PACS1: variants seen among roughly 807,000 people sequenced by gnomAD.
PACS1 encodes PACS-1.
In PACS1, 24 loss-of-function variants were observed where a neutral mutation model predicts 115.0. The ratio of observed to expected loss-of-function variants is 0.21; its 90% CI spans 0.15 to 0.29. PACS1 has a LOEUF of 0.29. PACS1 is among the 10% of genes least tolerant of loss of function. The pLI, the probability that PACS1 is intolerant of heterozygous loss-of-function variation, is 1.00. For synonymous variants in PACS1, 453 were observed against 504.5 expected, an observed-to-expected ratio of 0.90 and a Z score of 1.37; for missense variants, 838 against 1,251.2, an observed-to-expected ratio of 0.67 and a Z score of 4.98.
At chr11:66,209,799 G>A (rs1366151585) in intron 2 of PACS1, among the ~76,000 whole-genome samples, 3 of 152,062 alleles carry the variant, frequency 2.0e-5, no homozygotes, top group African/African-American at 7.2e-5. Context: ...CAGCTACTCA[G>A]GAGGCTGAGG....
chr11:66,244,367 TTCCC>T lies in PACS1; in HGVS notation c.*1093_*1096del, dbSNP rs1374054381. ...GCCAGGTTTCCCTCCAGCAGGCTCC[TTCCC>T]TCCCTGTCACCTCCCTCTCACCAAC... On this transcript the variant is annotated 3_prime_UTR_variant, in exon 24 of 24. Coordinates refer to ENST00000320580, the MANE Select transcript of PACS1 (RefSeq NM_018026.4). The T allele has an allele frequency of 6.5e-6, 1 of 152,942 alleles. No individual in the cohort carries two copies. The highest frequency in any genetic ancestry group is 1.5e-5 in the Non-Finnish European group (1 of 68,568). The allele number at this position is 152,942 out of a possible 1,614,324, so 9.5% of individuals were successfully genotyped here.
At chr11:66,071,960 C>G (rs1857316147) in intron 1 of PACS1, among the ~76,000 whole-genome samples, 1 of 152,218 alleles carries the variant, frequency 6.6e-6, no homozygotes, top group African/African-American at 2.4e-5. Context: ...AGCATTATCG[C>G]TTCTGTTGAA....
intron 1 of PACS1, among the ~76,000 whole-genome samples, chr11:66,105,118 C>A (rs1858005185): frequency 6.6e-6 from 1 of 151,976 alleles, no homozygotes; most frequent in Non-Finnish European, 1.5e-5. Context: ...GAGTATTAAG[C>A]AGCAGTTAAA....
chr11:66,194,225 A>G (rs913564216), intron 2 of PACS1, among the ~76,000 whole-genome samples: 8 of 152,082 alleles, frequency 5.3e-5, no homozygotes, highest in African/African-American at 1.7e-4. Context: ...CAGCCTCCCA[A>G]AGTGCTGGGA....
At chr11:66,076,932 A>G (rs1857409846) in intron 1 of PACS1, among the ~76,000 whole-genome samples, 1 of 152,202 alleles carries the variant, frequency 6.6e-6, no homozygotes, top group African/African-American at 2.4e-5. Context: ...AACTTCTTTC[A>G]GAGGGCCATC....
chr11:66,145,927 C>G (rs1859112134), intron 1 of PACS1, among the ~76,000 whole-genome samples: 1 of 152,128 alleles, frequency 6.6e-6, no homozygotes, highest in African/African-American at 2.4e-5. Flanking sequence ...GTAGAGACAT[C>G]AAATAGCCAC....
At chr11:66,082,068 T>G (rs1236078795) in intron 1 of PACS1, among the ~76,000 whole-genome samples, 3 of 152,244 alleles carry the variant, frequency 2.0e-5, no homozygotes, top group African/African-American at 7.2e-5. Context: ...TATATTTACT[T>G]GTTTCTGGTT....
intron 1 of PACS1, among the ~76,000 whole-genome samples, chr11:66,116,037 A>G (rs556344386): frequency 6.6e-6 from 1 of 152,380 alleles, no homozygotes; most frequent in African/African-American, 2.4e-5. Context: ...CTATTTAAGA[A>G]TTGCCTTGGC....
intron 2 of PACS1, among the ~76,000 whole-genome samples, chr11:66,193,869 C>G (rs1468041413): frequency 1.3e-5 from 2 of 152,180 alleles, no homozygotes; most frequent in Non-Finnish European, 2.9e-5. Flanking sequence ...GTAAACTACT[C>G]AGAAATTACT....
At chr11:66,142,358 G>A (rs1051264716) in intron 1 of PACS1, among the ~76,000 whole-genome samples, 3 of 151,566 alleles carry the variant, frequency 2.0e-5, no homozygotes, top group Non-Finnish European at 2.9e-5. Context: ...TCACACTGTC[G>A]CCCAGGCTGG....
At chr11:66,202,743 ATATATATATAT>A (rs755702461) in intron 2 of PACS1, among the ~76,000 whole-genome samples, 4,681 of 58,916 alleles carry the variant, frequency 0.079, 942 homozygotes, top group East Asian at 0.13. Flanking sequence ...AAAAAAAAAA[ATATATATATAT>A]ATATATATAT....
intron 19 of PACS1, among the ~76,000 whole-genome samples, chr11:66,237,342 G>C (rs144127550): frequency 6.6e-6 from 1 of 152,210 alleles, no homozygotes; most frequent in Non-Finnish European, 1.5e-5. Context: ...GATTACAGGC[G>C]TGAGCCACCA....
chr11:66,126,129 A>G (rs1858566664), intron 1 of PACS1, among the ~76,000 whole-genome samples: 1 of 151,582 alleles, frequency 6.6e-6, no homozygotes, highest in Non-Finnish European at 1.5e-5. Context: ...AGTGTTCGAC[A>G]TTACTAGTGG....
rs762768413 is a variant in PACS1 at position 66,167,333 on chromosome 11, C to CTTTTT, written c.357-26139_357-26135dup. Among the ~76,000 whole-genome samples the CTTTTT allele has an allele frequency of 5.1e-4, 52 of 101,114 alleles. 3 individuals carry two copies. The highest frequency in any genetic ancestry group is 1.3e-3 in the African/African-American group (30 of 23,622). The allele number at this position is 101,114 out of a possible 152,430, so 66.3% of individuals were successfully genotyped here. A position where few individuals can be genotyped will look rare whatever the true frequency, so the allele number is the denominator to read the frequency against. ...CTCTGGGTTCATGGCTTTGGCTTGT[C>CTTTTT]TTTTTTTTTTTTTTTTTTGTTGAGA... On this transcript the variant is annotated intron_variant, in intron 1 of 23. Transcript: ENST00000320580.
rs778482468 is a variant in PACS1, at chr11:66,234,236, G to T, written c.2098G>T (p.Val700Leu). Residue 700 changes from valine to leucine, a missense_variant, in exon 17 of 24, where the codon GTG (valine) becomes TTG (leucine). By Grantham distance (32) the Val-to-Leu change is conservative (BLOSUM62 1). Around this residue, in one of 6 missense-constraint regions of PACS1, gnomAD observed 383 missense variants for 537.0 expected, o/e 0.71. Coordinates refer to ENST00000320580, the MANE Select transcript of PACS1 (RefSeq NM_018026.4). ...RDLFSRSEPP[V>L]SEQLDVAGRV... is the part of the protein sequence containing the mutation. ...TCTGTTCAGTCGCTCGGAGCCACCAGTGTCAGGTAATGGCCCCGTGTAAGG... is the reference window on the plus strand; with the variant it reads ...TCTGTTCAGTCGCTCGGAGCCACCATTGTCAGGTAATGGCCCCGTGTAAGG... 1 of 1,611,308 alleles carries T rather than the reference G, an allele frequency of 6.2e-7. No individual in the cohort carries two copies. Among genetic ancestry groups the T allele is most frequent in the South Asian group, 1.1e-5 (1 of 91,046 alleles).
chr11:66,097,756 A>G (rs1857819052), intron 1 of PACS1, among the ~76,000 whole-genome samples: 4 of 152,194 alleles, frequency 2.6e-5, no homozygotes, highest in Admixed American at 6.5e-5. Context: ...GATTTTAGCC[A>G]TGTTAGTGGG....
chr11:66,156,479 A>G (rs1859362996), intron 1 of PACS1, among the ~76,000 whole-genome samples: 1 of 151,612 alleles, frequency 6.6e-6, no homozygotes. Context: ...TCCTGGCCTT[A>G]AGTGATCCAT....
intron 1 of PACS1, among the ~76,000 whole-genome samples, chr11:66,125,960 A>G (rs1215616276): frequency 6.6e-6 from 1 of 151,116 alleles, no homozygotes; most frequent in African/African-American, 2.4e-5. Flanking sequence ...GAATTGCTTG[A>G]GTCCAGGGAG....
At chr11:66,212,908 G>A (rs1375506695) in intron 4 of PACS1, among the ~76,000 whole-genome samples, 1 of 152,146 alleles carries the variant, frequency 6.6e-6, no homozygotes, top group East Asian at 1.9e-4. Context: ...GGAGTGCGCT[G>A]GCACAATCTC....
Sources: gnomAD v4.1 joint callset for allele counts (sites outside exome capture counted in the v4.1 genomes callset) on GRCh38, gnomAD v4.1.1 for gene constraint, gnomAD v4.1.1 regional missense constraint, MANE v1.5 for transcripts, NCBI Gene and HGNC (gene_info 2026-07-23, HGNC 2026-07-21) for gene names.